The following ATXN2 variants were observed in gnomAD, a reference collection of about 807,000 sequenced individuals.
The protein encoded by ATXN2 is ataxin-2.
In ATXN2, 37 loss-of-function variants were observed where a neutral mutation model predicts 138.6. The observed-to-expected ratio is 0.27, with a 90% CI of 0.21 to 0.35. ATXN2 has a LOEUF of 0.35. Ranked by LOEUF, ATXN2 falls within the 10% of genes least tolerant of loss-of-function variation. The probability of loss-of-function intolerance (pLI) is 1.00; values close to 1 mark genes in which losing one functional copy is unlikely to be tolerated. For missense variants in ATXN2, 1,216 were observed against 1,480.3 expected, an observed-to-expected ratio of 0.82 and a Z score of 2.93; for synonymous variants, 549 against 543.7, an observed-to-expected ratio of 1.01 and a Z score of -0.13.
intron 14 of ATXN2, among the ~76,000 whole-genome samples, chr12:111,508,070 AC>A (rs1056820434): frequency 8.6e-5 from 13 of 151,804 alleles, no homozygotes; most frequent in Non-Finnish European, 1.5e-5. Flanking sequence ...ACCTTTGTTC[AC>A]TTTTTATCTG....
chr12:111,587,804 C>T (rs948798741), intron 1 of ATXN2, among the ~76,000 whole-genome samples: 11 of 152,132 alleles, frequency 7.2e-5, no homozygotes, highest in African/African-American at 2.7e-4. Flanking sequence ...CGACAAGCCT[C>T]ATACCACAAC....
rs750535541 is a variant in ATXN2 at position 111,519,982 on chromosome 12, T to C, written c.883A>G (p.Lys295Glu). ...TCATTTTCCAGGGCCACTCGAGCTT[T>C]GTACTGGGCACTTGACTCAATTTCT... is the stretch of plus-strand genomic sequence containing the variant. ...AEEIESSAQY[K>E]ARVALENDDR... The change falls in exon 8 of 25, where the codon AAA (lysine) becomes GAA (glutamate). Residue 295 changes from lysine (K) to glutamate (E), a missense_variant. Physicochemically the swap from Lys to Glu is moderately conservative, Grantham distance 56. Coordinates refer to ENST00000673436, the MANE Select transcript of ATXN2 (RefSeq NM_001372574.1). 1 of 1,614,176 alleles carries C rather than the reference T, an allele frequency of 6.2e-7. No homozygotes were observed. Among genetic ancestry groups the C allele is most frequent in the Non-Finnish European group, 8.5e-7 (1 of 1,180,034 alleles).
intron 14 of ATXN2, among the ~76,000 whole-genome samples, chr12:111,507,232 C>T (rs1370328034): frequency 3.3e-5 from 5 of 149,666 alleles, no homozygotes; most frequent in Non-Finnish European, 7.4e-5. Context: ...CGTCTCTGCC[C>T]GGCCACCCGT....
rs147948116 is a variant in ATXN2, at chr12:111,563,058, T to C, written c.252-7139A>G. Among the ~76,000 whole-genome samples the C allele has an allele frequency of 2.6e-3, 402 of 152,310 alleles. 5 individuals are homozygous for C. The highest frequency in any genetic ancestry group is 9.4e-3 in the African/African-American group (392 of 41,574). ...GAGAAAAACACACAAATCATTTCTG[T>C]TGTATTCCTGCCAAAAATAAATATC... On this transcript the variant is annotated intron_variant, in intron 1 of 24. Transcript: ENST00000673436.
At chr12:111,543,363 T>G (rs1417994579) in intron 5 of ATXN2, among the ~76,000 whole-genome samples, 2 of 152,160 alleles carry the variant, frequency 1.3e-5, no homozygotes, top group Admixed American at 1.3e-4. Flanking sequence ...TCTGTAGAAT[T>G]TTATTTCTCA....
At chr12:111,576,261 T>C (rs1883642238) in intron 1 of ATXN2, among the ~76,000 whole-genome samples, 1 of 151,868 alleles carries the variant, frequency 6.6e-6, no homozygotes, top group Non-Finnish European at 1.5e-5. Context: ...CTGACCAACA[T>C]GGTGAAACCC....
chr12:111,567,014 T>TA (rs1015639077), intron 1 of ATXN2, among the ~76,000 whole-genome samples: 1 of 152,180 alleles, frequency 6.6e-6, no homozygotes, highest in Admixed American at 6.5e-5. Context: ...GCAGATGTGG[T>TA]AAAAAAGCAA....
rs1877569981 is a variant in ATXN2 at position 111,485,432 on chromosome 12, A to T, written c.2458-101T>A. On this transcript the variant is annotated intron_variant, in intron 17 of 24. Coordinates refer to ENST00000673436, the MANE Select transcript of ATXN2 (RefSeq NM_001372574.1). ...TATTGCTAGAGAGCTAGGCATGAGA[A>T]GGTTTCCTGATTCTCCATTAGTCAT... The T allele has an allele frequency of 3.3e-6, 4 of 1,195,918 alleles. No homozygotes were observed. In the Admixed American group the frequency reaches 8.1e-5, roughly 24 times the overall value. The allele number at this position is 1,195,918 out of a possible 1,614,324, so 74.1% of individuals were successfully genotyped here.
chr12:111,454,135 T>C, intron 23 of ATXN2: 1 of 264,866 alleles, frequency 3.8e-6, no homozygotes, highest in East Asian at 7.1e-5. Context: ...GTATTCTATG[T>C]ATGGGGTAAG....
At chr12:111,531,292 A>G (rs762660066) in intron 5 of ATXN2, among the ~76,000 whole-genome samples, 10 of 152,190 alleles carry the variant, frequency 6.6e-5, no homozygotes, top group South Asian at 4.1e-4. Flanking sequence ...ACACGCCTAT[A>G]GTCCCAGCTA....
At chr12:111,471,732 G>A (rs2135675600) in intron 18 of ATXN2, 2 of 151,526 alleles carry the variant, frequency 1.3e-5, no homozygotes, top group South Asian at 4.2e-4. Flanking sequence ...TATCTTGGAT[G>A]CACGTATTTA....
chr12:111,495,028 G>T (rs2135710632), intron 14 of ATXN2, among the ~76,000 whole-genome samples: 1 of 152,182 alleles, frequency 6.6e-6, no homozygotes, highest in Admixed American at 6.5e-5. Context: ...AAAAAAGGCT[G>T]GGTGCGGTGG....
chr12:111,523,867 AC>A (rs1880331010), intron 6 of ATXN2, among the ~76,000 whole-genome samples: 1 of 151,744 alleles, frequency 6.6e-6, no homozygotes, highest in Non-Finnish European at 1.5e-5. Flanking sequence ...GTTCCAGATC[AC>A]CCTGGGCAAC....
At position 111,506,213 on chromosome 12, in the gene ATXN2, C is replaced by T. The variant is rs151327570; in HGVS notation, c.1935+3336G>A. On this transcript the variant is annotated intron_variant, in intron 14 of 24. Coordinates refer to ENST00000673436, the MANE Select transcript of ATXN2 (RefSeq NM_001372574.1). ...GTTGGGAGTAGGGGAAAGAGAAGGGCTGGAGGCAAATGTGGAACGACTGCT... is the reference window on the plus strand; with the variant it reads ...GTTGGGAGTAGGGGAAAGAGAAGGGTTGGAGGCAAATGTGGAACGACTGCT... 2.2e-4 allele frequency among the ~76,000 whole-genome samples: 33 copies of T among 152,188 alleles called. 1 individual carries two copies. The highest frequency in any genetic ancestry group is 6.2e-4 in the South Asian group (3 of 4,818).
chr12:111,486,013 C>T, intron 16 of ATXN2, 148 bp from the exon 17 acceptor site: 1 of 666,144 alleles, frequency 1.5e-6, no homozygotes, highest in Non-Finnish European at 2.2e-6. Flanking sequence ...CATAAATTTT[C>T]ACATTTCAAT....
At position 111,461,692 on chromosome 12, in the gene ATXN2, G is replaced by A. The variant is rs555285018; in HGVS notation, c.2896+2970C>T. The stretch of plus-strand genomic sequence containing the variant: ...GACAAAAAAGGAACCAGGGGCCGAG[G>A]TAGGTGATCACGAGGTCAGGAGTTC... On this transcript the variant is annotated intron_variant, in intron 21 of 24. Transcript: ENST00000673436. Among the ~76,000 whole-genome samples, 6 of 151,846 alleles carry A rather than the reference G, an allele frequency of 4.0e-5. No homozygotes were observed. The South Asian group carries it at 1.2e-3, about 32-fold the overall frequency.
intron 5 of ATXN2, among the ~76,000 whole-genome samples, chr12:111,545,508 G>C (rs1881756948): frequency 6.6e-6 from 1 of 151,874 alleles, no homozygotes; most frequent in Non-Finnish European, 1.5e-5. Flanking sequence ...AGGCTGCAGT[G>C]AGCTGAAATC....
intron 18 of ATXN2, among the ~76,000 whole-genome samples, chr12:111,481,167 G>A (rs974791431): frequency 3.9e-5 from 6 of 152,104 alleles, no homozygotes; most frequent in East Asian, 1.9e-4. Flanking sequence ...AAAATGGGCC[G>A]AGCGCGGTGG....
rs748270038 is a variant in ATXN2, at chr12:111,516,258, G to A, written c.1271C>T (p.Pro424Leu). 1.5e-5 allele frequency: 23 copies of A among 1,567,036 alleles called. No individual in the cohort carries two copies. Among genetic ancestry groups the A allele is most frequent in the Middle Eastern group, 1.7e-4 (1 of 5,826 alleles). Reference sequence around the variant, plus strand: ...TGGCCGCGAGGGGGGCCTGGAGGGCGGCCGTGTAGGGGTGGCTGCCCGAGG... The same window carrying A: ...TGGCCGCGAGGGGGGCCTGGAGGGCAGCCGTGTAGGGGTGGCTGCCCGAGG... Reference protein sequence around the residue: ...LPPRAATPTRPPSRPPSRPSR... With the variant: ...LPPRAATPTRLPSRPPSRPSR... Residue 424 changes from proline (P) to leucine (L), a missense_variant, in exon 10 of 25, where the codon CCG becomes CTG. By Grantham distance (98) the Pro-to-Leu change is moderately conservative (BLOSUM62 -3). Coordinates refer to ENST00000673436, the MANE Select transcript of ATXN2 (RefSeq NM_001372574.1). This position sits in a 1 kb window ranked among gnomAD's most constrained non-coding sequence, Gnocchi z 5.0.
Sources: gnomAD v4.1 joint callset for allele counts (sites outside exome capture counted in the v4.1 genomes callset) on GRCh38, gnomAD v4.1.1 for gene constraint, Gnocchi (gnomAD v3.1) non-coding constraint, MANE v1.5 for transcripts, NCBI Gene and HGNC (gene_info 2026-07-23, HGNC 2026-07-21) for gene names.